The following MED15 variants were observed in gnomAD, a reference collection of about 807,000 sequenced individuals.
MED15 encodes mediator complex subunit 15, also known as mediator of RNA polymerase II transcription subunit 15.
Under a neutral mutation model 118.7 loss-of-function variants are expected in MED15, and 41 were observed. That is an observed-to-expected ratio of 0.35 (90% confidence interval 0.27 to 0.45). The LOEUF (loss-of-function observed/expected upper bound fraction) is 0.45. Among genes scored for constraint, MED15 ranks in the 20% least tolerant of loss-of-function variants. The pLI, the probability that MED15 is intolerant of heterozygous loss-of-function variation, is 1.00. For missense variants in MED15, 740 were observed against 1,025.5 expected, an observed-to-expected ratio of 0.72 and a Z score of 3.80; for synonymous variants, 436 against 413.9, an observed-to-expected ratio of 1.05 and a Z score of -0.65.
intron 1 of MED15, among the ~76,000 whole-genome samples, chr22:20,531,897 G>A (rs1208428237): frequency 2.0e-5 from 3 of 152,226 alleles, no homozygotes; most frequent in African/African-American, 7.2e-5. Flanking sequence ...GAAGCAGGGT[G>A]GGAGGCCCTA....
rs150408219 is a variant in MED15, at chr22:20,561,505, T to C, written c.452-2945T>C. Among the ~76,000 whole-genome samples the C allele has an allele frequency of 9.4e-3, 1,400 of 149,292 alleles. 22 individuals carry two copies. The highest frequency in any genetic ancestry group is 0.033 in the African/African-American group (1,328 of 40,540). ...ACTGCACTCCAGTCTGGCGACAGAG[T>C]GAGATTCCATCTCAAAAAAAAAAAG... On this transcript the variant is annotated intron_variant, in intron 5 of 17. Coordinates refer to ENST00000263205, the MANE Select transcript of MED15 (RefSeq NM_001003891.3).
intron 2 of MED15, among the ~76,000 whole-genome samples, chr22:20,542,018 TC>T (rs2146469365): frequency 6.6e-6 from 1 of 152,114 alleles, no homozygotes; most frequent in East Asian, 1.9e-4. Context: ...GGTCTTGAAC[TC>T]CTGACCTCAG....
intron 5 of MED15, among the ~76,000 whole-genome samples, chr22:20,562,780 A>G (rs165884): frequency 0.26 from 39,193 of 152,056 alleles, 5,392 homozygotes; most frequent in East Asian, 0.51. Flanking sequence ...ACCCACGCCT[A>G]TAATCTCAAC....
chr22:20,511,889 C>A (rs1398450182), intron 1 of MED15, among the ~76,000 whole-genome samples: 2 of 151,176 alleles, frequency 1.3e-5, no homozygotes, highest in Non-Finnish European at 2.9e-5. Context: ...AGATGTCCCA[C>A]CCTCCCAGCC....
Position 20,582,761 on chromosome 22 carries a change from G to A in MED15, c.1409+14G>A, listed in dbSNP as rs369731563. ...CTCCAACGTCAGGTAGGCCTGGCCT[G>A]GGGTGCCCCTCCCCACCTGGCCCTC... On this transcript the variant is annotated intron_variant, in intron 10 of 17. Coordinates refer to ENST00000263205, the MANE Select transcript of MED15 (RefSeq NM_001003891.3). 28 of 1,588,386 alleles carry A rather than the reference G, an allele frequency of 1.8e-5. No individual in the cohort carries two copies. In the African/African-American group the frequency reaches 3.5e-4, roughly 20 times the overall value.
intron 13 of MED15, 44 bp from the exon 14 acceptor site, chr22:20,584,315 G>C: frequency 6.3e-7 from 1 of 1,597,752 alleles, no homozygotes; most frequent in Non-Finnish European, 8.6e-7. Context: ...CCTGAGAACT[G>C]CCATGTCTTC....
chr22:20,552,988 C>T (rs2055840638), intron 3 of MED15, 157 bp from the exon 4 acceptor site: 2 of 664,628 alleles, frequency 3.0e-6, no homozygotes, highest in Admixed American at 3.0e-5. Context: ...GTCAGCGCTG[C>T]CAAGAGTAGA....
chr22:20,508,666 G>A (rs1206307244), intron 1 of MED15, among the ~76,000 whole-genome samples: 1 of 152,138 alleles, frequency 6.6e-6, no homozygotes, highest in African/African-American at 2.4e-5. Context: ...AGATTACAAA[G>A]TACATTGATC....
intron 1 of MED15, among the ~76,000 whole-genome samples, chr22:20,523,250 A>T (rs1352048175): frequency 6.6e-6 from 1 of 151,982 alleles, no homozygotes; most frequent in Non-Finnish European, 1.5e-5. Context: ...CTCTCCCTGG[A>T]TGGAGTCTGG....
rs1403985223 is a variant in MED15 at position 20,583,181 on chromosome 22, C to G, written c.1606C>G (p.Leu536Val). ...TGAGGAGCAGCAGTACCTGGACAAGCTGAAGCAGCTGTCGAAGTACATCGA... is the reference window on the plus strand; with the variant it reads ...TGAGGAGCAGCAGTACCTGGACAAGGTGAAGCAGCTGTCGAAGTACATCGA... ...QAEEQQYLDK[L>V]KQLSKYIEPL... The change falls in exon 12 of 18, where the codon CTG (leucine) becomes GTG (valine). Residue 536 changes from leucine (L) to valine (V), a missense_variant. Coordinates refer to ENST00000263205, the MANE Select transcript of MED15 (RefSeq NM_001003891.3). 1 of 1,611,300 alleles carries G rather than the reference C, an allele frequency of 6.2e-7. No homozygotes were observed. Among genetic ancestry groups the G allele is most frequent in the Admixed American group, 1.7e-5 (1 of 59,984 alleles).
chr22:20,517,813 C>G (rs889345108), intron 1 of MED15, among the ~76,000 whole-genome samples: 2 of 152,138 alleles, frequency 1.3e-5, no homozygotes, highest in Non-Finnish European at 2.9e-5. Flanking sequence ...CAGGAAGATG[C>G]AACCAGTCAG....
In MED15 at chr22:20,586,933, C is replaced by T; in HGVS notation, c.*229C>T. On this transcript the variant is annotated 3_prime_UTR_variant, in exon 18 of 18. Coordinates refer to ENST00000263205, the MANE Select transcript of MED15 (RefSeq NM_001003891.3). ...GCGTTGGCCGACTTCTTAGAGAAGGCCCTCCATGTGACTTCCTCCCAGGAG... is the reference window on the plus strand; with the variant it reads ...GCGTTGGCCGACTTCTTAGAGAAGGTCCTCCATGTGACTTCCTCCCAGGAG... 3 of 620,756 alleles carry T rather than the reference C, an allele frequency of 4.8e-6. No individual in the cohort carries two copies. Among genetic ancestry groups the T allele is most frequent in the Admixed American group, 3.0e-5 (1 of 33,262 alleles). The allele number at this position is 620,756 out of a possible 1,614,324, so 38.5% of individuals were successfully genotyped here.
At chr22:20,550,483 C>A (rs1221533703) in intron 2 of MED15, among the ~76,000 whole-genome samples, 1 of 152,244 alleles carries the variant, frequency 6.6e-6, no homozygotes, top group African/African-American at 2.4e-5. Context: ...CATCTGAGAC[C>A]ACTTTTCATC....
In MED15 at chr22:20,529,541, C is replaced by T. The variant is rs949879265; in HGVS notation, c.69-7576C>T. On this transcript the variant is annotated intron_variant, in intron 1 of 17. Transcript: ENST00000263205. ...CCAGGTTCAAGTGATTCTCCTGCCT[C>T]GGCCTCCCGAGTAACTGGGATTATA... Among the ~76,000 whole-genome samples the T allele has an allele frequency of 5.9e-5, 9 of 152,322 alleles. No individual in the cohort carries two copies. The South Asian group carries it at 1.7e-3, about 28-fold the overall frequency.
intron 9 of MED15, among the ~76,000 whole-genome samples, chr22:20,581,671 G>A (rs746174469): frequency 2.0e-5 from 3 of 152,164 alleles, no homozygotes; most frequent in African/African-American, 7.2e-5. Flanking sequence ...CTGGCAGGCA[G>A]CTGTTCTCCC....
chr22:20,507,624 G>T lies in MED15; in HGVS notation c.-55G>T. On this transcript the variant is annotated 5_prime_UTR_variant, in exon 1 of 18. It adds an upstream start codon to the 5' untranslated region. Transcript: ENST00000263205. ...GGTTTGGGCCTGGCTCTGTGACTGA[G>T]GCGGCGGCGGTGGCGGCCAAGCGGG... is the stretch of plus-strand genomic sequence containing the variant. 6.2e-7 allele frequency: 1 copy of T among 1,606,632 alleles called. No homozygotes were observed. The highest frequency in any genetic ancestry group is 8.5e-7 in the Non-Finnish European group (1 of 1,173,526).
rs550917652 is a variant in MED15 at position 20,568,827 on chromosome 22, A to G, written c.1152+196A>G. 5.9e-5 allele frequency among the ~76,000 whole-genome samples: 9 copies of G among 152,272 alleles called. No individual in the cohort carries two copies. The South Asian group carries it at 1.7e-3, about 28-fold the overall frequency. ...TGGGCAGCTGTGCTTGGTCATGTCT[A>G]GGACCCACCAGCCGCATAGTGCGTG... is the stretch of plus-strand genomic sequence containing the variant. On this transcript the variant is annotated intron_variant, in intron 8 of 17. Coordinates refer to ENST00000263205, the MANE Select transcript of MED15 (RefSeq NM_001003891.3).
chr22:20,511,869 A>G (rs1473330670), intron 1 of MED15, among the ~76,000 whole-genome samples: 4 of 152,098 alleles, frequency 2.6e-5, no homozygotes, highest in African/African-American at 9.7e-5. Flanking sequence ...TAGCATTAGA[A>G]TAAAACTCCA....
chr22:20,557,020 G>A (rs966038818), intron 5 of MED15, among the ~76,000 whole-genome samples: 3 of 152,144 alleles, frequency 2.0e-5, no homozygotes, highest in Non-Finnish European at 2.9e-5. Context: ...GGACATTTGG[G>A]TTGTTTCCTG....
Sources: allele counts gnomAD v4.1 joint callset (sites outside exome capture counted in the v4.1 genomes callset), GRCh38; gene constraint gnomAD v4.1.1; transcripts MANE v1.5; gene names NCBI Gene and HGNC (gene_info 2026-07-23, HGNC 2026-07-21).